OPRM1: variants seen among roughly 807,000 people sequenced by gnomAD.
OPRM1 encodes the protein opioid receptor mu 1, also known as mu-type opioid receptor.
A neutral mutation model predicts 31.8 loss-of-function variants in OPRM1; 27 were observed. The observed-to-expected ratio is 0.85, with a 90% confidence interval of 0.63 to 1.17. The LOEUF is 1.17. Ranked by LOEUF, OPRM1 falls within the 50% of genes most tolerant of loss-of-function variation. The pLI, the probability that OPRM1 is intolerant of heterozygous loss-of-function variation, is 0.00. For missense variants in OPRM1, 536 were observed against 511.1 expected (o/e 1.05, Z -0.47); for synonymous variants, 196 against 189.9 (o/e 1.03, Z -0.26).
chr6:154,154,718 TA>T (rs1317994836), intron 3 of OPRM1: 2 of 152,468 alleles, frequency 1.3e-5, no homozygotes, highest in Admixed American at 1.3e-4. Flanking sequence ...TGCCTAGATA[TA>T]TTTTTTTCTT....
At chr6:154,053,258 G>A (rs1469834602) in intron 1 of OPRM1, among the ~76,000 whole-genome samples, 1 of 152,160 alleles carries the variant, frequency 6.6e-6, no homozygotes, top group Admixed American at 6.5e-5. Flanking sequence ...AATGGAAACT[G>A]TCATCTGCAA....
intron 1 of OPRM1, among the ~76,000 whole-genome samples, chr6:154,022,258 G>A (rs1235896782): frequency 6.6e-6 from 1 of 152,000 alleles, no homozygotes; most frequent in African/African-American, 2.4e-5. Flanking sequence ...CTTTAGCCTG[G>A]TGCTGTGGTG....
chr6:154,216,758 C>T (rs184819287), intron 3 of OPRM1, among the ~76,000 whole-genome samples: 49 of 152,290 alleles, frequency 3.2e-4, no homozygotes, highest in African/African-American at 1.1e-3. Context: ...ATCCCAGCTA[C>T]TTGGGAGGCT....
chr6:154,045,516 C>A (rs1780945912), intron 1 of OPRM1, among the ~76,000 whole-genome samples: 1 of 152,214 alleles, frequency 6.6e-6, no homozygotes, highest in Non-Finnish European at 1.5e-5. Context: ...ATGCCACCCA[C>A]CAGTGCTGTC....
chr6:154,072,710 C>T (rs562231944), intron 1 of OPRM1, among the ~76,000 whole-genome samples: 19 of 152,120 alleles, frequency 1.2e-4, no homozygotes, highest in Admixed American at 2.6e-4. Context: ...AAGGTTATTC[C>T]TGTTTTCTCT....
chr6:154,195,793 T>C (rs1776570065), intron 3 of OPRM1, among the ~76,000 whole-genome samples: 1 of 17,670 alleles, frequency 5.7e-5, no homozygotes, highest in Non-Finnish European at 1.0e-4. Flanking sequence ...TGTTCACAAT[T>C]TTTTTTTTTT....
intron 3 of OPRM1, among the ~76,000 whole-genome samples, chr6:154,175,519 T>C (rs935802577): frequency 6.6e-6 from 1 of 151,430 alleles, no homozygotes; most frequent in Non-Finnish European, 1.5e-5. Flanking sequence ...AAATACAAAC[T>C]ACCATCAGAG....
At chr6:154,160,938 T>A (rs1195132112) in intron 3 of OPRM1, among the ~76,000 whole-genome samples, 1 of 152,164 alleles carries the variant, frequency 6.6e-6, no homozygotes, top group Non-Finnish European at 1.5e-5. Flanking sequence ...CAGGGATGCA[T>A]GTAAATGCCG....
intron 3 of OPRM1, among the ~76,000 whole-genome samples, chr6:154,182,422 T>C (rs905664924): frequency 6.6e-6 from 1 of 152,216 alleles, no homozygotes; most frequent in Non-Finnish European, 1.5e-5. Context: ...GAAATAATCT[T>C]AAGTTGACTC....
rs1797377318 is a variant in OPRM1, at chr6:154,122,848, C to T, written c.*4127C>T. On this transcript the variant is annotated 3_prime_UTR_variant, in exon 4 of 4. Coordinates refer to ENST00000330432, the MANE Select transcript of OPRM1 (RefSeq NM_000914.5). ...TTCTGTTACTCGAAAGGGGTCTGAT[C>T]CAGACCCCAAAAGAGGGTTCTTGGA... is the stretch of plus-strand genomic sequence containing the variant. Among the ~76,000 whole-genome samples, 1 of 152,126 alleles carries T rather than the reference C, an allele frequency of 6.6e-6. No individual in the cohort carries two copies. Among genetic ancestry groups the T allele is most frequent in the Admixed American group, 6.5e-5 (1 of 15,274 alleles).
rs1797924477 is a variant in OPRM1 at position 154,131,981 on chromosome 6, A to G, written c.*13260A>G. 6.9e-6 allele frequency among the ~76,000 whole-genome samples: 1 copy of G among 145,220 alleles called. No individual in the cohort carries two copies. Among genetic ancestry groups the G allele is most frequent in the Non-Finnish European group, 1.5e-5 (1 of 66,814 alleles). On this transcript the variant is annotated 3_prime_UTR_variant, in exon 4 of 4. Coordinates refer to ENST00000330432, the MANE Select transcript of OPRM1 (RefSeq NM_000914.5). Reference sequence around the variant, plus strand: ...TTCTCTTCATTAGTGTGTTAGTTCCATCATCATGTCTGTTTACTATTGAAA... The same window carrying G: ...TTCTCTTCATTAGTGTGTTAGTTCCGTCATCATGTCTGTTTACTATTGAAA...
chr6:154,207,250 G>A (rs1202643239), intron 3 of OPRM1, among the ~76,000 whole-genome samples: 1 of 152,206 alleles, frequency 6.6e-6, no homozygotes, highest in Non-Finnish European at 1.5e-5. Context: ...GTTAAAGCCA[G>A]AGGCAAAAAT....
At chr6:154,116,287 CTT>C (rs1212621233) in intron 3 of OPRM1, among the ~76,000 whole-genome samples, 2 of 152,088 alleles carry the variant, frequency 1.3e-5, no homozygotes, top group Non-Finnish European at 2.9e-5. Flanking sequence ...ATTTTATTGA[CTT>C]AAGAAAATCT....
intron 3 of OPRM1, among the ~76,000 whole-genome samples, chr6:154,208,071 A>G (rs989341377): frequency 1.3e-5 from 2 of 152,054 alleles, no homozygotes; most frequent in African/African-American, 2.4e-5. Context: ...TGTCTGTTGC[A>G]CAGAGCAGAT....
At position 154,119,476 on chromosome 6, in the gene OPRM1, A is replaced by G. The variant is rs1038544095; in HGVS notation, c.*755A>G. On this transcript the variant is annotated 3_prime_UTR_variant, in exon 4 of 4. Coordinates refer to ENST00000330432, the MANE Select transcript of OPRM1 (RefSeq NM_000914.5). The stretch of plus-strand genomic sequence containing the variant: ...TTTGTTCCTCAGTTTTAAATGTGCA[A>G]TTTTCTTGCTCCTATTTAAGTGTTC... The G allele has an allele frequency of 2.0e-6, 2 of 982,938 alleles. No homozygotes were observed. The highest frequency in any genetic ancestry group is 1.7e-5 in the African/African-American group (1 of 57,158). 60.9% of individuals were successfully genotyped at this position (982,938 alleles called of 1,614,324 possible).
Position 154,039,393 on chromosome 6 carries a change from C to G in OPRM1, c.-152C>G, listed in dbSNP as rs200040051. The G allele has an allele frequency of 9.1e-6, 14 of 1,546,506 alleles. No homozygotes were observed. In the Middle Eastern group the frequency reaches 5.0e-4, roughly 56 times the overall value. On this transcript the variant is annotated 5_prime_UTR_variant, in exon 1 of 4. Transcript: ENST00000330432. ...GCTCAGCTCGGTCCCCTCCGCCTGACGCTCCTCTCTGTCTCAGCCAGGACT... is the reference window on the plus strand; with the variant it reads ...GCTCAGCTCGGTCCCCTCCGCCTGAGGCTCCTCTCTGTCTCAGCCAGGACT...
At chr6:154,016,384 T>G (rs1344561279) in intron 1 of OPRM1, among the ~76,000 whole-genome samples, 1 of 152,186 alleles carries the variant, frequency 6.6e-6, no homozygotes, top group Non-Finnish European at 1.5e-5. Flanking sequence ...AGGGAGGAGA[T>G]AAAATTGTGT....
chr6:154,187,359 C>A (rs34802185), intron 3 of OPRM1, among the ~76,000 whole-genome samples: 13,616 of 152,194 alleles, frequency 0.089, 889 homozygotes, highest in African/African-American at 0.18. Context: ...TGTTTCCCTA[C>A]CAGTCTCTCC....
intron 1 of OPRM1, among the ~76,000 whole-genome samples, chr6:154,026,866 G>T (rs1337475168): frequency 6.6e-6 from 1 of 151,956 alleles, no homozygotes; most frequent in Non-Finnish European, 1.5e-5. Context: ...GCATTACATT[G>T]AATTTGCTTC....
Sources: allele counts gnomAD v4.1 joint callset (sites outside exome capture counted in the v4.1 genomes callset), GRCh38; gene constraint gnomAD v4.1.1; transcripts MANE v1.5; gene names NCBI Gene and HGNC (gene_info 2026-07-23, HGNC 2026-07-21).